Variants in B3GALT1 observed in about 807,000 individuals in gnomAD.
The protein encoded by B3GALT1 is UDP-Gal:betaGlcNAc beta 1,3-galactosyltransferase, polypeptide 1.
A neutral mutation model predicts 23.2 loss-of-function variants in B3GALT1; 10 were observed. The observed-to-expected ratio is 0.43, with a 90% confidence interval of 0.27 to 0.73. The LOEUF is 0.73. Ranked by LOEUF, B3GALT1 falls within the 30% of genes least tolerant of loss-of-function variation. The probability of loss-of-function intolerance (pLI) is 0.21; values close to 1 mark genes in which losing one functional copy is unlikely to be tolerated. For synonymous variants in B3GALT1, 156 were observed against 141.5 expected (o/e 1.10, Z -0.73); for missense variants, 299 against 405.4 (o/e 0.74, Z 2.25).
rs35445623 is a variant in B3GALT1, at chr2:167,501,718, CAAAAAAA to C, written c.-410+11460_-410+11466del. ...ATGTTAATTCACACATCTACAGTGG[CAAAAAAA>C]AAAAAAAAAAAAAAAAAAGTCAGTG... is the stretch of plus-strand genomic sequence containing the variant. On this transcript the variant is annotated intron_variant, in intron 2 of 4. Transcript: ENST00000392690. Among the ~76,000 whole-genome samples, 10 of 65,418 alleles carry C rather than the reference CAAAAAAA, an allele frequency of 1.5e-4. No individual in the cohort carries two copies. In the South Asian group the frequency reaches 1.8e-3, roughly 12 times the overall value. 42.9% of individuals were successfully genotyped at this position (65,418 alleles called of 152,430 possible).
chr2:167,516,598 G>C (rs2105358271), intron 2 of B3GALT1, among the ~76,000 whole-genome samples: 1 of 152,044 alleles, frequency 6.6e-6, no homozygotes, highest in African/African-American at 2.4e-5. Flanking sequence ...AGAAATAATA[G>C]TATTATTTTC....
At chr2:167,373,247 TA>T (rs1697712202) in intron 1 of B3GALT1, among the ~76,000 whole-genome samples, 1 of 152,096 alleles carries the variant, frequency 6.6e-6, no homozygotes, top group African/African-American at 2.4e-5. Flanking sequence ...AACCTAATTT[TA>T]AAAAACAACA....
chr2:167,359,767 CTTT>C (rs34142201), intron 1 of B3GALT1, among the ~76,000 whole-genome samples: 1 of 146,096 alleles, frequency 6.8e-6, no homozygotes, highest in Non-Finnish European at 1.5e-5. Flanking sequence ...TGCCCTTCAT[CTTT>C]TTTTTTTTTT....
At chr2:167,821,866 T>TAA (rs1689114601) in intron 4 of B3GALT1, among the ~76,000 whole-genome samples, 1 of 152,246 alleles carries the variant, frequency 6.6e-6, no homozygotes. Flanking sequence ...GTACAGTTCT[T>TAA]AAAGTCTTAA....
chr2:167,530,406 C>A (rs1307423075), intron 2 of B3GALT1, among the ~76,000 whole-genome samples: 1 of 152,130 alleles, frequency 6.6e-6, no homozygotes, highest in African/African-American at 2.4e-5. Context: ...AAGATCAGTG[C>A]TTGGCAGCCA....
intron 3 of B3GALT1, among the ~76,000 whole-genome samples, chr2:167,762,580 TAAAA>T (rs11439436): frequency 1.9e-4 from 21 of 109,008 alleles, no homozygotes; most frequent in Non-Finnish European, 4.1e-4. Flanking sequence ...GGACCAAAAA[TAAAA>T]AAAAAAAAAA....
At chr2:167,719,508 G>C (rs1382484306) in intron 3 of B3GALT1, among the ~76,000 whole-genome samples, 1 of 152,204 alleles carries the variant, frequency 6.6e-6, no homozygotes, top group Non-Finnish European at 1.5e-5. Context: ...ATTGCCATCT[G>C]TTATAATAGA....
At chr2:167,823,874 AT>A (rs1440251812) in intron 4 of B3GALT1, among the ~76,000 whole-genome samples, 1 of 152,276 alleles carries the variant, frequency 6.6e-6, no homozygotes, top group African/African-American at 2.4e-5. Context: ...ATATTTAGAT[AT>A]AACAATTATA....
chr2:167,498,368 A>C (rs756774900), intron 2 of B3GALT1, among the ~76,000 whole-genome samples: 12 of 152,126 alleles, frequency 7.9e-5, no homozygotes, highest in Non-Finnish European at 1.6e-4. Flanking sequence ...GGATTTTTTT[A>C]AGTTCGTAAG....
chr2:167,717,198 T>G (rs147952759), intron 3 of B3GALT1, among the ~76,000 whole-genome samples: 1 of 99,624 alleles, frequency 1.0e-5, no homozygotes, highest in Non-Finnish European at 2.8e-5. Flanking sequence ...TATTTTTTCT[T>G]TCTTTCTTTC....
chr2:167,381,723 T>G (rs1697850224), intron 1 of B3GALT1, among the ~76,000 whole-genome samples: 1 of 152,204 alleles, frequency 6.6e-6, no homozygotes, highest in South Asian at 2.1e-4. Flanking sequence ...TGAAGATATG[T>G]TAGTTATTAT....
At chr2:167,695,407 A>G (rs1373905639) in intron 3 of B3GALT1, among the ~76,000 whole-genome samples, 2 of 152,182 alleles carry the variant, frequency 1.3e-5, no homozygotes, top group African/African-American at 4.8e-5. Flanking sequence ...TAATGAACAT[A>G]TATTTGATGA....
At chr2:167,370,098 T>A (rs1697658668) in intron 1 of B3GALT1, among the ~76,000 whole-genome samples, 1 of 152,210 alleles carries the variant, frequency 6.6e-6, no homozygotes. Flanking sequence ...CTTATTTTTT[T>A]TAAGTCAGAG....
chr2:167,632,183 C>G (rs1164690972), intron 2 of B3GALT1, among the ~76,000 whole-genome samples: 2 of 151,900 alleles, frequency 1.3e-5, no homozygotes, highest in African/African-American at 4.8e-5. Context: ...TTTTCTTTAT[C>G]TAGTCTATCA....
chr2:167,386,906 A>G (rs1697936752), intron 1 of B3GALT1, among the ~76,000 whole-genome samples: 2 of 152,234 alleles, frequency 1.3e-5, no homozygotes, highest in African/African-American at 4.8e-5. Context: ...AGACTGGATG[A>G]AGTCGAAGCT....
intron 2 of B3GALT1, among the ~76,000 whole-genome samples, chr2:167,532,060 A>C (rs1441006838): frequency 1.3e-5 from 2 of 152,128 alleles, no homozygotes; most frequent in Non-Finnish European, 2.9e-5. Context: ...TAAATTACTA[A>C]TTGGATCTCA....
intron 4 of B3GALT1, among the ~76,000 whole-genome samples, chr2:167,852,553 T>C (rs986995433): frequency 6.6e-6 from 1 of 151,928 alleles, no homozygotes; most frequent in Non-Finnish European, 1.5e-5. Context: ...ACACAGGAAC[T>C]TTTATTTTAT....
intron 2 of B3GALT1, among the ~76,000 whole-genome samples, chr2:167,539,805 TAAC>T (rs548811017): frequency 3.8e-4 from 58 of 152,160 alleles, no homozygotes; most frequent in Admixed American, 1.2e-3. Flanking sequence ...AAATAGGAAA[TAAC>T]AAGATATAAT....
At chr2:167,627,508 T>C (rs1270540649) in intron 2 of B3GALT1, among the ~76,000 whole-genome samples, 2 of 151,778 alleles carry the variant, frequency 1.3e-5, no homozygotes, top group Non-Finnish European at 3.0e-5. Context: ...CTGCAGTTTA[T>C]TCCTTTTTAT....
Sources: gnomAD v4.1 joint callset for allele counts (sites outside exome capture counted in the v4.1 genomes callset) on GRCh38, gnomAD v4.1.1 for gene constraint, MANE v1.5 for transcripts, NCBI Gene and HGNC (gene_info 2026-07-23, HGNC 2026-07-21) for gene names.